Variants in DOCK1 observed in about 807,000 individuals in gnomAD.
The protein encoded by DOCK1 is dedicator of cytokinesis 1.
DOCK1 carries 138 observed loss-of-function variants against 262.7 expected under a neutral mutation model. The observed-to-expected ratio is 0.53, with a 90% CI of 0.46 to 0.61. The LOEUF (loss-of-function observed/expected upper bound fraction) is 0.61. Among genes scored for constraint, DOCK1 ranks in the 20% least tolerant of loss-of-function variants. The pLI, the probability that DOCK1 is intolerant of heterozygous loss-of-function variation, is 0.00. For synonymous variants in DOCK1, 866 were observed against 867.4 expected, an observed-to-expected ratio of 1.00 and a Z score of 0.03; for missense variants, 1,908 against 2,370.7, an observed-to-expected ratio of 0.80 and a Z score of 4.05.
chr10:126,968,437 G>T (rs1393733946), intron 1 of DOCK1, among the ~76,000 whole-genome samples: 2 of 152,116 alleles, frequency 1.3e-5, no homozygotes, highest in African/African-American at 4.8e-5. Flanking sequence ...ATCATGGGTT[G>T]TCTGGCTCAT....
At chr10:126,927,878 A>G (rs1238708414) in intron 1 of DOCK1, among the ~76,000 whole-genome samples, 1 of 152,152 alleles carries the variant, frequency 6.6e-6, no homozygotes, top group Non-Finnish European at 1.5e-5. Context: ...GCTGCCTAGC[A>G]GGAAGGACTT....
chr10:126,953,030 CTGG>C (rs1313668656), intron 1 of DOCK1, among the ~76,000 whole-genome samples: 78 of 147,506 alleles, frequency 5.3e-4, no homozygotes, highest in African/African-American at 1.9e-3. Flanking sequence ...GTTGGTGCTG[CTGG>C]TGGTGGTAGT....
At chr10:127,097,777 G>A (rs1258618626) in intron 23 of DOCK1, among the ~76,000 whole-genome samples, 1 of 152,170 alleles carries the variant, frequency 6.6e-6, no homozygotes, top group Admixed American at 6.5e-5. Flanking sequence ...TATTTGGTAA[G>A]TTCACTTATA....
At chr10:126,986,514 T>C (rs979228501) in intron 4 of DOCK1, among the ~76,000 whole-genome samples, 1 of 152,200 alleles carries the variant, frequency 6.6e-6, no homozygotes, top group African/African-American at 2.4e-5. Context: ...TAACCCTCAG[T>C]AGTCTGAGTC....
chr10:127,086,664 A>G (rs1359931002), intron 23 of DOCK1, among the ~76,000 whole-genome samples: 1 of 152,206 alleles, frequency 6.6e-6, no homozygotes, highest in Non-Finnish European at 1.5e-5. Flanking sequence ...GGCTTGGGAA[A>G]AATTTTTCTG....
chr10:126,926,454 A>G (rs1050735385), intron 1 of DOCK1, among the ~76,000 whole-genome samples: 3 of 152,170 alleles, frequency 2.0e-5, no homozygotes, highest in Non-Finnish European at 4.4e-5. Context: ...TGTCAACTTA[A>G]GGGAAAACAC....
chr10:127,374,321 C>G, intron 35 of DOCK1, 107 bp downstream of exon 35: 2 of 1,360,676 alleles, frequency 1.5e-6, no homozygotes, highest in Non-Finnish European at 1.9e-6. Flanking sequence ...AAGCTTTCCA[C>G]CGCAGAACAA....
At chr10:127,144,179 G>T (rs1013163968) in intron 27 of DOCK1, among the ~76,000 whole-genome samples, 1 of 152,098 alleles carries the variant, frequency 6.6e-6, no homozygotes, top group Non-Finnish European at 1.5e-5. Flanking sequence ...TCCCTCTCCA[G>T]TTACCAGAGT....
At chr10:127,130,244 C>G (rs1448489559) in intron 27 of DOCK1, among the ~76,000 whole-genome samples, 2 of 151,836 alleles carry the variant, frequency 1.3e-5, no homozygotes, top group African/African-American at 4.8e-5. Context: ...TCACCACACT[C>G]AAGATAATTT....
intron 1 of DOCK1, among the ~76,000 whole-genome samples, chr10:126,914,362 T>G (rs1024626083): frequency 6.6e-6 from 1 of 152,182 alleles, no homozygotes; most frequent in African/African-American, 2.4e-5. Context: ...TGCAAGATTT[T>G]TATGCCATCC....
intron 22 of DOCK1, among the ~76,000 whole-genome samples, chr10:127,059,733 T>A (rs916572983): frequency 1.3e-5 from 2 of 152,204 alleles, no homozygotes; most frequent in Non-Finnish European, 2.9e-5. Flanking sequence ...CAAATATGAT[T>A]ATAGTTGTTT....
chr10:127,292,388 C>A (rs1363699812), intron 29 of DOCK1, among the ~76,000 whole-genome samples: 7 of 152,138 alleles, frequency 4.6e-5, no homozygotes, highest in Non-Finnish European at 2.9e-5. Flanking sequence ...GCCACCTCTG[C>A]TGCAAAGCTC....
intron 10 of DOCK1, among the ~76,000 whole-genome samples, chr10:127,005,268 G>A (rs1214631739): frequency 6.6e-6 from 1 of 151,974 alleles, no homozygotes; most frequent in African/African-American, 2.4e-5. Flanking sequence ...GGAGGTTGAG[G>A]TTGCTGTGAA....
intron 26 of DOCK1, 104 bp from the exon 27 acceptor site, chr10:127,127,565 A>C (rs2050040753): frequency 1.2e-6 from 1 of 842,458 alleles, no homozygotes; most frequent in African/African-American, 1.7e-5. Context: ...TAAGGGTTAT[A>C]ATTGATTTAC....
Position 127,175,151 on chromosome 10 carries a change from C to T in DOCK1, c.2847+47387C>T. On this transcript the variant is annotated intron_variant, in intron 27 of 51. Transcript: ENST00000623213. This position sits in a 1 kb window ranked among gnomAD's most constrained non-coding sequence, Gnocchi z 6.3. ...CATTACAGACTTGGGTTTGGGGCTA[C>T]AGATGGACTCTGTGGTGATCAGCCT... 1 of 1,418,984 alleles carries T rather than the reference C, an allele frequency of 7.0e-7. No individual in the cohort carries two copies. The highest frequency in any genetic ancestry group is 9.7e-7 in the Non-Finnish European group (1 of 1,028,710). 87.9% of individuals were successfully genotyped at this position (1,418,984 alleles called of 1,614,324 possible).
chr10:127,044,524 C>T (rs1005874431), intron 21 of DOCK1, among the ~76,000 whole-genome samples: 2 of 152,190 alleles, frequency 1.3e-5, no homozygotes, highest in Admixed American at 6.5e-5. Flanking sequence ...TTGCAGGGCA[C>T]TTTTCCTGGC....
intron 31 of DOCK1, among the ~76,000 whole-genome samples, chr10:127,347,632 C>T (rs1332120019): frequency 3.3e-5 from 5 of 149,438 alleles, no homozygotes; most frequent in East Asian, 2.0e-4. Context: ...TCTGGGCAAA[C>T]GATGGGCGCT....
At position 127,175,570 on chromosome 10, in the gene DOCK1, C is replaced by A. The variant is rs143897472; in HGVS notation, c.2847+47806C>A. On this transcript the variant is annotated intron_variant, in intron 27 of 51. Transcript: ENST00000623213. This position sits in a 1 kb window ranked among gnomAD's most constrained non-coding sequence, Gnocchi z 6.3. ...GCCGGGCAGAGTGACCACTGGCTGG[C>A]GGCTGCAGAGTCTGACAAACCAGGC... The A allele has an allele frequency of 1.2e-6, 2 of 1,611,178 alleles. No individual in the cohort carries two copies. Among genetic ancestry groups the A allele is most frequent in the African/African-American group, 2.7e-5 (2 of 74,898 alleles).
chr10:127,443,164 C>T (rs554371114), intron 49 of DOCK1, among the ~76,000 whole-genome samples: 1 of 152,278 alleles, frequency 6.6e-6, no homozygotes, highest in South Asian at 2.1e-4. Flanking sequence ...TTCATCTTCA[C>T]GTTGTGCCCT....
Sources: gnomAD v4.1 joint callset for allele counts (sites outside exome capture counted in the v4.1 genomes callset) on GRCh38, gnomAD v4.1.1 for gene constraint, Gnocchi (gnomAD v3.1) non-coding constraint, MANE v1.5 for transcripts, NCBI Gene and HGNC (gene_info 2026-07-23, HGNC 2026-07-21) for gene names.